The following FOXP2 variants were observed in gnomAD, a reference collection of about 807,000 sequenced individuals.
FOXP2 encodes the protein forkhead box P2.
In FOXP2, 12 loss-of-function variants were observed where a neutral mutation model predicts 115.8. The ratio of observed to expected loss-of-function variants is 0.10; its 90% CI spans 0.07 to 0.17. The LOEUF (loss-of-function observed/expected upper bound fraction) is 0.17. Among genes scored for constraint, FOXP2 ranks in the 10% least tolerant of loss-of-function variants. The probability of loss-of-function intolerance (pLI) is 1.00; values close to 1 mark genes in which losing one functional copy is unlikely to be tolerated. For missense variants in FOXP2, 629 were observed against 843.5 expected, an observed-to-expected ratio of 0.75 and a Z score of 3.15; for synonymous variants, 328 against 297.7, an observed-to-expected ratio of 1.10 and a Z score of -1.05.
chr7:114,435,527 A>G (rs1234103098), intron 2 of FOXP2, among the ~76,000 whole-genome samples: 1 of 152,032 alleles, frequency 6.6e-6, no homozygotes, highest in Non-Finnish European at 1.5e-5. Context: ...TGTTGTGCTC[A>G]GAAGTTAGTT....
chr7:114,151,364 A>C (rs1359381327), intron 1 of FOXP2, among the ~76,000 whole-genome samples: 1 of 152,140 alleles, frequency 6.6e-6, no homozygotes, highest in African/African-American at 2.4e-5. Context: ...TCAAATTTTC[A>C]TAATGAATTA....
At chr7:114,392,258 G>A (rs925937967) in intron 2 of FOXP2, among the ~76,000 whole-genome samples, 1 of 152,220 alleles carries the variant, frequency 6.6e-6, no homozygotes. Context: ...CAGTAGGCCA[G>A]TATGCGTGGT....
At chr7:114,148,264 C>G (rs549913368) in intron 1 of FOXP2, among the ~76,000 whole-genome samples, 1 of 152,312 alleles carries the variant, frequency 6.6e-6, no homozygotes, top group South Asian at 2.1e-4. Context: ...TGAGTCTTCT[C>G]ATCCAGGTCC....
At position 114,231,530 on chromosome 7, in the gene FOXP2, A is replaced by G. The variant is rs1253374199; in HGVS notation, c.-101-56489A>G. Among the ~76,000 whole-genome samples the G allele has an allele frequency of 1.1e-4, 17 of 152,206 alleles. 1 individual carries two copies. Among genetic ancestry groups the G allele is most frequent in the Admixed American group, 1.1e-3 (17 of 15,284 alleles). On this transcript the variant is annotated intron_variant, in intron 1 of 17. Coordinates refer to the FOXP2 transcript ENST00000634411. Reference sequence around the variant, plus strand: ...ATGGTACTGGCGTGAAGACATACCAATAGAACAAAATAGAAACCCCAGAAA... The same window carrying G: ...ATGGTACTGGCGTGAAGACATACCAGTAGAACAAAATAGAAACCCCAGAAA...
intron 3 of FOXP2, among the ~76,000 whole-genome samples, chr7:114,599,605 T>A (rs966992948): frequency 1.7e-4 from 26 of 151,968 alleles, no homozygotes; most frequent in Admixed American, 4.6e-4. Flanking sequence ...GTAGTATAAC[T>A]TTTTTTTATA....
At chr7:114,149,583 A>G (rs551623890) in intron 1 of FOXP2, among the ~76,000 whole-genome samples, 2 of 151,884 alleles carry the variant, frequency 1.3e-5, no homozygotes, top group Non-Finnish European at 2.9e-5. Context: ...TTACTTTATT[A>G]TTAATTCCCC....
At chr7:114,369,776 A>G (rs1306785168) in intron 2 of FOXP2, among the ~76,000 whole-genome samples, 1 of 152,124 alleles carries the variant, frequency 6.6e-6, no homozygotes, top group African/African-American at 2.4e-5. Context: ...ATTAAATTTT[A>G]TTATACTGAT....
chr7:114,091,972 C>T lies in FOXP2; in HGVS notation c.-247+4134C>T, dbSNP rs188489062. 3.3e-5 allele frequency among the ~76,000 whole-genome samples: 5 copies of T among 152,044 alleles called. No homozygotes were observed. The East Asian group carries it at 9.6e-4, about 29-fold the overall frequency. Reference sequence around the variant, plus strand: ...TACTATCTGCCAAGTATATCTAGAACATACCTTCCCATTATATTGATAAGT... The same window carrying T: ...TACTATCTGCCAAGTATATCTAGAATATACCTTCCCATTATATTGATAAGT... On this transcript the variant is annotated intron_variant, in intron 1 of 19. Coordinates refer to the FOXP2 transcript ENST00000635638.
intron 1 of FOXP2, among the ~76,000 whole-genome samples, chr7:114,165,447 T>A (rs554820493): frequency 6.6e-6 from 1 of 152,230 alleles, no homozygotes; most frequent in Non-Finnish European, 1.5e-5. Context: ...AAGGTTAATA[T>A]ACAAAAGTCA....
intron 1 of FOXP2, among the ~76,000 whole-genome samples, chr7:114,101,899 TTGTGTGTG>T (rs5886693): frequency 0.016 from 2,259 of 142,492 alleles, 32 homozygotes; most frequent in Non-Finnish European, 0.024. Flanking sequence ...CTTCAACATT[TTGTGTGTG>T]TGTGTGTGTG....
chr7:114,444,092 C>T (rs1163593168), intron 2 of FOXP2, among the ~76,000 whole-genome samples: 1 of 152,096 alleles, frequency 6.6e-6, no homozygotes, highest in East Asian at 1.9e-4. Context: ...ATGTTTGAGG[C>T]CAATGCTAAA....
rs115260748 is a variant in FOXP2 at position 114,219,430 on chromosome 7, G to A, written c.-102+56342G>A. 6.9e-3 allele frequency among the ~76,000 whole-genome samples: 1,049 copies of A among 151,994 alleles called. 18 individuals carry two copies. The highest frequency in any genetic ancestry group is 0.024 in the African/African-American group (1,005 of 41,482). On this transcript the variant is annotated intron_variant, in intron 1 of 17. Coordinates refer to the FOXP2 transcript ENST00000634411. The stretch of plus-strand genomic sequence containing the variant: ...ATTAACATTTTAATATACTTAGAGT[G>A]GTCATGTCAAAATATTTTTTCTGCT...
intron 2 of FOXP2, among the ~76,000 whole-genome samples, chr7:114,526,172 T>TTA (rs34956302): frequency 1.3e-5 from 1 of 79,730 alleles, no homozygotes; most frequent in Non-Finnish European, 2.2e-5. Flanking sequence ...GTTTCTTTAT[T>TTA]AAAAAAAAAA....
chr7:114,234,342 T>A (rs1222711067), intron 1 of FOXP2, among the ~76,000 whole-genome samples: 1 of 152,194 alleles, frequency 6.6e-6, no homozygotes, highest in Non-Finnish European at 1.5e-5. Flanking sequence ...TCAATGCAGG[T>A]TAAAATGAGT....
chr7:114,653,413 G>A (rs190699066), intron 9 of FOXP2: 3 of 170,882 alleles, frequency 1.8e-5, no homozygotes, highest in Non-Finnish European at 2.6e-5. Flanking sequence ...AGAGTTCAGC[G>A]TTTCACACTG....
chr7:114,506,760 A>G (rs966116543), intron 2 of FOXP2, among the ~76,000 whole-genome samples: 2 of 151,740 alleles, frequency 1.3e-5, no homozygotes, highest in African/African-American at 4.8e-5. Context: ...TTCAAAGTTC[A>G]CAAGGCTCCA....
chr7:114,135,421 G>C (rs2129146141), intron 1 of FOXP2, among the ~76,000 whole-genome samples: 1 of 152,228 alleles, frequency 6.6e-6, no homozygotes, highest in East Asian at 1.9e-4. Context: ...GCTGTTGGCT[G>C]TGTAAGGTGT....
chr7:114,424,122 A>T (rs1337342780), intron 1 of FOXP2, among the ~76,000 whole-genome samples: 1 of 151,518 alleles, frequency 6.6e-6, no homozygotes, highest in African/African-American at 2.4e-5. Context: ...ATTATAAGTT[A>T]TTTAGGTCTT....
At chr7:114,482,664 T>C (rs1796610249) in intron 2 of FOXP2, among the ~76,000 whole-genome samples, 1 of 151,554 alleles carries the variant, frequency 6.6e-6, no homozygotes, top group Admixed American at 6.6e-5. Flanking sequence ...AATGAACACA[T>C]GTAGATATAA....
Sources: gnomAD v4.1 joint callset for allele counts (sites outside exome capture counted in the v4.1 genomes callset) on GRCh38, gnomAD v4.1.1 for gene constraint, MANE v1.5 for transcripts, NCBI Gene and HGNC (gene_info 2026-07-23, HGNC 2026-07-21) for gene names.